Variants in SPATA1 observed in about 807,000 individuals in gnomAD.
The protein encoded by SPATA1 is spermatogenesis associated 1.
A neutral mutation model predicts 59.6 loss-of-function variants in SPATA1; 57 were observed. The observed-to-expected ratio is 0.96, with a 90% CI of 0.77 to 1.19. SPATA1 has a LOEUF of 1.19. SPATA1 is among the 50% of genes most tolerant of loss of function. The probability of loss-of-function intolerance (pLI) is 0.00; values close to 1 mark genes in which losing one functional copy is unlikely to be tolerated. For synonymous variants in SPATA1, 147 were observed against 163.9 expected, an observed-to-expected ratio of 0.90 and a Z score of 0.79; for missense variants, 448 against 480.7, an observed-to-expected ratio of 0.93 and a Z score of 0.64.
chr1:84,553,138 A>C, exon 13 of SPATA1: 1 of 1,391,100 alleles, frequency 7.2e-7, no homozygotes, highest in Non-Finnish European at 9.7e-7. Context: ...TGTTAATTTA[A>C]AACTTTTATT....
intron 8 of SPATA1, among the ~76,000 whole-genome samples, chr1:84,543,466 C>A (rs753723018): frequency 6.6e-6 from 1 of 152,052 alleles, no homozygotes; most frequent in Non-Finnish European, 1.5e-5. Context: ...CCTCAGGGAG[C>A]TTTCAATCAC....
chr1:84,534,015 A>C (rs1328997059), intron 8 of SPATA1, among the ~76,000 whole-genome samples: 2 of 152,084 alleles, frequency 1.3e-5, no homozygotes, highest in Admixed American at 6.5e-5. Context: ...TACTAGTTTT[A>C]AAGGTACATC....
In SPATA1 at chr1:84,550,427, CACAGAATT is replaced by C; in HGVS notation, c.1126-2_1131del. 1 of 1,479,536 alleles carries C rather than the reference CACAGAATT, an allele frequency of 6.8e-7. No individual in the cohort carries two copies. Among genetic ancestry groups the C allele is most frequent in the Non-Finnish European group, 9.1e-7 (1 of 1,099,278 alleles). The allele number at this position is 1,479,536 out of a possible 1,614,324, so 91.7% of individuals were successfully genotyped here. On this transcript the variant is annotated splice_acceptor_variant and splice_polypyrimidine_tract_variant and coding_sequence_variant and intron_variant, in exon 12 of 13. Transcript: ENST00000490879. LOFTEE classifies it high-confidence loss of function. ...TACTAAATAAATATCTATCTATCCA[CACAGAATT>C]ACCTAATAATCCAGATCACTGAGGT...
At chr1:84,549,111 A>C (rs1293031180) in intron 11 of SPATA1, 147 bp downstream of exon 11, 1 of 743,688 alleles carries the variant, frequency 1.3e-6, no homozygotes, top group Non-Finnish European at 2.0e-6. Flanking sequence ...CTTATGTAAT[A>C]GGAGGAGCAT....
chr1:84,532,823 C>A, intron 6 of SPATA1, 37 bp from the exon 7 acceptor site: 1 of 1,369,480 alleles, frequency 7.3e-7, no homozygotes, highest in Non-Finnish European at 1.0e-6. Flanking sequence ...TCCTAACATT[C>A]TGAACTTTAT....
In SPATA1 at chr1:84,516,304, A is replaced by AT. The variant is rs529845079; in HGVS notation, c.-55dup. The AT allele has an allele frequency of 4.1e-5, 60 of 1,450,160 alleles. No individual in the cohort carries two copies. Among genetic ancestry groups the AT allele is most frequent in the Non-Finnish European group, 5.4e-5 (59 of 1,093,560 alleles). The allele number at this position is 1,450,160 out of a possible 1,614,324, so 89.8% of individuals were successfully genotyped here. ...TTTAGTACTACTTAAATGAAGAAAG[A>AT]TAAAAAAAGAAACAAAATTCCAATT... On this transcript the variant is annotated 5_prime_UTR_variant, in exon 2 of 13. The change creates a premature stop within an existing upstream ORF in the 5' untranslated region. Transcript: ENST00000490879.
At chr1:84,509,208 T>TAA (rs547069684) in intron 1 of SPATA1, among the ~76,000 whole-genome samples, 2,189 of 134,428 alleles carry the variant, frequency 0.016, 49 homozygotes, top group African/African-American at 0.054. Context: ...GGTACTGGCA[T>TAA]AAAAAAAAAA....
chr1:84,522,928 C>T lies in SPATA1; in HGVS notation c.261+421C>T, dbSNP rs1408687608. Among the ~76,000 whole-genome samples, 6 of 147,362 alleles carry T rather than the reference C, an allele frequency of 4.1e-5. 1 individual carries two copies. Among genetic ancestry groups the T allele is most frequent in the South Asian group, 4.3e-4 (2 of 4,688 alleles). Reference sequence around the variant, plus strand: ...GGTGTCAACTTTTTTTTTTTTTTTCCGAGACGGAGTCTTGCTCTGTCACCC... The same window carrying T: ...GGTGTCAACTTTTTTTTTTTTTTTCTGAGACGGAGTCTTGCTCTGTCACCC... On this transcript the variant is annotated intron_variant, in intron 4 of 12. Transcript: ENST00000490879.
In SPATA1 at chr1:84,553,099, T is replaced by A. The variant is rs989668246; in HGVS notation, c.1289T>A (p.Ile430Lys). 4.6e-6 allele frequency: 7 copies of A among 1,505,844 alleles called. No homozygotes were observed. The African/African-American group carries it at 5.6e-5, about 12-fold the overall frequency. 93.3% of individuals were successfully genotyped at this position (1,505,844 alleles called of 1,614,324 possible). The change falls in exon 13 of 13, where the codon ATA becomes AAA. Residue 430 changes from isoleucine (I) to lysine (K), a missense_variant. Coordinates refer to ENST00000490879, the Ensembl canonical transcript of SPATA1. ...ACTGAACTGGCACAGAAAAAAAAAA[T>A]AATACATCTCTACAATCTCAATTAG... is the stretch of plus-strand genomic sequence containing the variant.
chr1:84,526,264 A>G, intron 6 of SPATA1, 191 bp downstream of exon 6: 1 of 482,544 alleles, frequency 2.1e-6, no homozygotes, highest in East Asian at 3.2e-5. Flanking sequence ...CAATTTAAGT[A>G]CTATGTTAAA....
intron 6 of SPATA1, chr1:84,527,421 G>A: frequency 6.6e-6 from 1 of 151,914 alleles, no homozygotes; most frequent in Non-Finnish European, 1.5e-5. Context: ...TAAGTATAAA[G>A]TATACTTTTA....
In SPATA1 at chr1:84,532,989, T is replaced by C; in HGVS notation, c.659+15T>C. ...ACTAAAAAAAGGTAATTAGTATAGATGCTGATTCCACATGCCATAATCTAA... is the reference window on the plus strand; with the variant it reads ...ACTAAAAAAAGGTAATTAGTATAGACGCTGATTCCACATGCCATAATCTAA... On this transcript the variant is annotated intron_variant, in intron 7 of 12. Transcript: ENST00000490879. 1 of 1,493,148 alleles carries C rather than the reference T, an allele frequency of 6.7e-7. No individual in the cohort carries two copies. The highest frequency in any genetic ancestry group is 9.1e-7 in the Non-Finnish European group (1 of 1,096,284). 92.5% of individuals were successfully genotyped at this position (1,493,148 alleles called of 1,614,324 possible). A position where few individuals can be genotyped will look rare whatever the true frequency, so the allele number is the denominator to read the frequency against.
chr1:84,562,879 T>C lies in SPATA1; in HGVS notation n.443-2982T>C, dbSNP rs113129657. Among the ~76,000 whole-genome samples, 11 of 152,322 alleles carry C rather than the reference T, an allele frequency of 7.2e-5. 1 individual carries two copies. The highest frequency in any genetic ancestry group is 2.6e-4 in the African/African-American group (11 of 41,580). On this transcript the variant is annotated intron_variant and non_coding_transcript_variant, in intron 4 of 4. Transcript: ENST00000460286. ...TCCCTATGTAAGTCTCATCAGAATC[T>C]GTAGGCCACTTTGAAATGGAGGCTT...
chr1:84,526,583 T>C (rs919390686), intron 6 of SPATA1, among the ~76,000 whole-genome samples: 21 of 152,004 alleles, frequency 1.4e-4, no homozygotes, highest in Non-Finnish European at 7.4e-5. Flanking sequence ...TCAAAAGTGA[T>C]AGGGGCCAGG....
At chr1:84,566,694 G>A (rs769182080), downstream of SPATA1, among the ~76,000 whole-genome samples, 9 of 152,150 alleles carry the variant, frequency 5.9e-5, no homozygotes, top group East Asian at 3.8e-4. Context: ...GTGCAGTGGC[G>A]CAATCTCAGC....
At chr1:84,529,129 T>C (rs1385913168) in intron 6 of SPATA1, among the ~76,000 whole-genome samples, 1 of 152,104 alleles carries the variant, frequency 6.6e-6, no homozygotes, top group Non-Finnish European at 1.5e-5. Flanking sequence ...CATTCAATAT[T>C]ATTATTCTTT....
Position 84,545,735 on chromosome 1 carries a change from C to T in SPATA1, c.922C>T (p.Gln308Ter). The stretch of plus-strand genomic sequence containing the variant: ...AAAAACGGTTGAAAAGCTATTTGAA[C>T]AAAGCAAATTAAAACGATATCATGG... Residue 308 changes from glutamine to a stop codon, truncating the protein, a stop_gained, in exon 10 of 13, where the codon CAA becomes TAA. Transcript: ENST00000490879. LOFTEE classifies it high-confidence loss of function. 1.3e-6 allele frequency: 2 copies of T among 1,523,022 alleles called. No individual in the cohort carries two copies. Among genetic ancestry groups the T allele is most frequent in the South Asian group, 2.7e-5 (2 of 73,198 alleles). 94.3% of individuals were successfully genotyped at this position (1,523,022 alleles called of 1,614,324 possible). A position where few individuals can be genotyped will look rare whatever the true frequency, so the allele number is the denominator to read the frequency against.
chr1:84,544,439 T>C (rs1684015838), intron 9 of SPATA1, 135 bp downstream of exon 9: 3 of 660,828 alleles, frequency 4.5e-6, no homozygotes, highest in Non-Finnish European at 7.8e-6. Context: ...GTGGTGGTGA[T>C]GGTTTCACAA....
At chr1:84,538,095 A>G (rs1683772584) in intron 8 of SPATA1, among the ~76,000 whole-genome samples, 2 of 152,236 alleles carry the variant, frequency 1.3e-5, no homozygotes, top group South Asian at 4.1e-4. Context: ...TGAAAATGGC[A>G]GAAAAGGTTA....
Sources: allele counts gnomAD v4.1 joint callset (sites outside exome capture counted in the v4.1 genomes callset), GRCh38; gene constraint gnomAD v4.1.1; transcripts MANE v1.5; gene names NCBI Gene and HGNC (gene_info 2026-07-23, HGNC 2026-07-21).